The following DNAJC1 variants were observed in gnomAD, a reference collection of about 807,000 sequenced individuals.
DNAJC1 encodes dnaJ homolog subfamily C member 1.
DNAJC1 carries 58 observed loss-of-function variants against 76.6 expected under a neutral mutation model. That is an observed-to-expected ratio of 0.76 (90% CI 0.61 to 0.94). The LOEUF is 0.94. Ranked by LOEUF, DNAJC1 falls within the 40% of genes least tolerant of loss-of-function variation. The pLI, the probability that DNAJC1 is intolerant of heterozygous loss-of-function variation, is 0.00. For missense variants in DNAJC1, 689 were observed against 677.3 expected, an observed-to-expected ratio of 1.02 and a Z score of -0.19; for synonymous variants, 258 against 267.9, an observed-to-expected ratio of 0.96 and a Z score of 0.36.
chr10:21,770,447 G>T (rs1834359813), intron 9 of DNAJC1, among the ~76,000 whole-genome samples: 1 of 145,992 alleles, frequency 6.8e-6, no homozygotes, highest in African/African-American at 2.6e-5. Context: ...GCCCAGGCTG[G>T]AGTGCAGTGG....
Position 21,919,841 on chromosome 10 carries a change from T to C in DNAJC1, c.626A>G (p.Lys209Arg), listed in dbSNP as rs762306796. The change falls in exon 5 of 12, where the codon AAA becomes AGA. Residue 209 changes from lysine to arginine, a missense_variant. Transcript: ENST00000376980. ...VDVSKLGASE[K>R]NERLLMKPQW... ...TTTTATATGCTCTCACCTTTCATTT[T>C]TTTCTGAAGCACCGAGTTTTGATAC... 9 of 1,602,758 alleles carry C rather than the reference T, an allele frequency of 5.6e-6. No homozygotes were observed. In the Admixed American group the frequency reaches 1.6e-4, roughly 28 times the overall value.
intron 1 of DNAJC1, among the ~76,000 whole-genome samples, chr10:21,971,555 A>T (rs960628475): frequency 1.6e-4 from 25 of 151,944 alleles, no homozygotes; most frequent in East Asian, 1.4e-3. Flanking sequence ...AACAGGGACA[A>T]TTTTTTAAGC....
At chr10:21,770,986 T>C (rs764351355) in intron 9 of DNAJC1, among the ~76,000 whole-genome samples, 4 of 152,192 alleles carry the variant, frequency 2.6e-5, no homozygotes, top group Admixed American at 6.5e-5. Flanking sequence ...CTTTCAACAA[T>C]GTTATATAGT....
chr10:21,987,718 T>C (rs959975834), intron 1 of DNAJC1, among the ~76,000 whole-genome samples: 10 of 152,192 alleles, frequency 6.6e-5, no homozygotes, highest in African/African-American at 1.4e-4. Context: ...ATGAAAACAT[T>C]TGTTAATTTA....
At chr10:21,961,616 T>G (rs1286911260) in intron 1 of DNAJC1, among the ~76,000 whole-genome samples, 6 of 152,138 alleles carry the variant, frequency 3.9e-5, no homozygotes, top group Non-Finnish European at 7.4e-5. Context: ...GGGTACAGTT[T>G]CTGTTTGGAG....
Position 21,870,193 on chromosome 10 carries a change from A to C in DNAJC1, c.978+12089T>G, listed in dbSNP as rs938203687. Among the ~76,000 whole-genome samples, 4 of 152,060 alleles carry C rather than the reference A, an allele frequency of 2.6e-5. 1 individual carries two copies. Among genetic ancestry groups the C allele is most frequent in the African/African-American group, 4.8e-5 (2 of 41,390 alleles). On this transcript the variant is annotated intron_variant, in intron 8 of 11. Transcript: ENST00000376980. The stretch of plus-strand genomic sequence containing the variant: ...TCTCATTAACAAAACAAAGGTGAAA[A>C]ATCACACAATCATCTTAATAGATGC...
chr10:21,894,757 T>A (rs1380331825), intron 7 of DNAJC1, among the ~76,000 whole-genome samples: 7 of 152,184 alleles, frequency 4.6e-5, no homozygotes, highest in Non-Finnish European at 8.8e-5. Context: ...TGGAAAGTGA[T>A]TATGTCATGA....
At chr10:21,838,685 G>A (rs565448782) in intron 8 of DNAJC1, among the ~76,000 whole-genome samples, 1 of 151,938 alleles carries the variant, frequency 6.6e-6, no homozygotes, top group Non-Finnish European at 1.5e-5. Flanking sequence ...ACATTAGACA[G>A]ATCAACGAGA....
Position 21,976,931 on chromosome 10 carries a change from A to G in DNAJC1, c.222+26282T>C, listed in dbSNP as rs116204131. On this transcript the variant is annotated intron_variant, in intron 1 of 11. Coordinates refer to ENST00000376980, the MANE Select transcript of DNAJC1 (RefSeq NM_022365.4). Reference sequence around the variant, plus strand: ...CCCTATTTCTCTTTTCTTCCGTAACAACAACAGCACAAACATTGCAAAAGC... The same window carrying G: ...CCCTATTTCTCTTTTCTTCCGTAACGACAACAGCACAAACATTGCAAAAGC... Among the ~76,000 whole-genome samples, 907 of 152,258 alleles carry G rather than the reference A, an allele frequency of 6.0e-3. 5 individuals carry two copies. The highest frequency in any genetic ancestry group is 0.02 in the African/African-American group (832 of 41,556).
chr10:21,818,089 C>T lies in DNAJC1; in HGVS notation c.979-11990G>A, dbSNP rs536698804. Among the ~76,000 whole-genome samples, 10 of 152,274 alleles carry T rather than the reference C, an allele frequency of 6.6e-5. No homozygotes were observed. In the South Asian group the frequency reaches 8.3e-4, roughly 13 times the overall value. On this transcript the variant is annotated intron_variant, in intron 8 of 11. Coordinates refer to ENST00000376980, the MANE Select transcript of DNAJC1 (RefSeq NM_022365.4). ...CCTTAAACTCTGACCGCTGGTGAGCCGGGCGGAACAGAGCCATATTTCTCT... is the reference window on the plus strand; with the variant it reads ...CCTTAAACTCTGACCGCTGGTGAGCTGGGCGGAACAGAGCCATATTTCTCT...
chr10:21,806,075 G>T lies in DNAJC1; in HGVS notation c.1003C>A (p.Leu335Ile), dbSNP rs887815935. The change falls in exon 9 of 12, where the codon CTC becomes ATC. Residue 335 changes from leucine (L) to isoleucine (I), a missense_variant. By Grantham distance (5) the Leu-to-Ile change is conservative (BLOSUM62 2). Transcript: ENST00000376980. ...ACCATACTTCTTGTCAGTTGGCTGA[G>T]GTCCTCTTCTGTCCATTCAGGTGCC... ...KQAPEWTEED[L>I]SQLTRSMVKF... is the part of the protein sequence containing the mutation. The T allele has an allele frequency of 1.2e-6, 2 of 1,612,070 alleles. No homozygotes were observed. Among genetic ancestry groups the T allele is most frequent in the South Asian group, 2.2e-5 (2 of 90,954 alleles).
intron 9 of DNAJC1, among the ~76,000 whole-genome samples, chr10:21,768,297 G>A (rs1028758617): frequency 1.3e-5 from 2 of 151,580 alleles, no homozygotes; most frequent in South Asian, 2.1e-4. Context: ...GTATATTCTC[G>A]AACCAACACT....
intron 8 of DNAJC1, among the ~76,000 whole-genome samples, chr10:21,835,969 C>A (rs559566703): frequency 1.9e-4 from 29 of 152,128 alleles, no homozygotes; most frequent in Non-Finnish European, 7.4e-5. Context: ...TCAGGAAATA[C>A]AGAGAACACC....
At chr10:21,968,499 CAT>C (rs1017661399) in intron 1 of DNAJC1, among the ~76,000 whole-genome samples, 26 of 151,422 alleles carry the variant, frequency 1.7e-4, no homozygotes, top group African/African-American at 6.3e-4. Flanking sequence ...AAATTCATGA[CAT>C]ATCTTTTTTT....
rs545859530 is a variant in DNAJC1, at chr10:21,833,420, G to A, written c.979-27321C>T. Among the ~76,000 whole-genome samples, 10 of 152,272 alleles carry A rather than the reference G, an allele frequency of 6.6e-5. No homozygotes were observed. The South Asian group carries it at 1.2e-3, about 19-fold the overall frequency. Reference sequence around the variant, plus strand: ...TAGGAGGCGGAGGTTGCAGTGAGCCGAGATGGTGCCATTGCACTCCAGCTG... The same window carrying A: ...TAGGAGGCGGAGGTTGCAGTGAGCCAAGATGGTGCCATTGCACTCCAGCTG... On this transcript the variant is annotated intron_variant, in intron 8 of 11. Coordinates refer to ENST00000376980, the MANE Select transcript of DNAJC1 (RefSeq NM_022365.4).
chr10:21,825,937 T>C (rs1835242356), intron 8 of DNAJC1, among the ~76,000 whole-genome samples: 2 of 152,122 alleles, frequency 1.3e-5, no homozygotes, highest in African/African-American at 2.4e-5. Context: ...ATCAGATAGA[T>C]GATAGAAAAC....
chr10:21,814,722 G>T (rs1003859093), intron 8 of DNAJC1, among the ~76,000 whole-genome samples: 4 of 152,160 alleles, frequency 2.6e-5, no homozygotes, highest in African/African-American at 9.7e-5. Flanking sequence ...TTGTATTATA[G>T]GAAACCAAGG....
At chr10:21,949,754 C>T (rs909298047) in intron 1 of DNAJC1, among the ~76,000 whole-genome samples, 1 of 151,884 alleles carries the variant, frequency 6.6e-6, no homozygotes, top group African/African-American at 2.4e-5. Context: ...CTAGGTAAAC[C>T]AGTCCTCGAA....
chr10:21,872,254 T>C (rs1036041057), intron 8 of DNAJC1, among the ~76,000 whole-genome samples: 2 of 151,502 alleles, frequency 1.3e-5, no homozygotes, highest in Non-Finnish European at 2.9e-5. Flanking sequence ...TGTGTGTTTT[T>C]AGTAGAGACA....
Sources: gnomAD v4.1 joint callset for allele counts (sites outside exome capture counted in the v4.1 genomes callset) on GRCh38, gnomAD v4.1.1 for gene constraint, MANE v1.5 for transcripts, NCBI Gene and HGNC (gene_info 2026-07-23, HGNC 2026-07-21) for gene names.